The following CAPN13 variants were observed in gnomAD, a reference collection of about 807,000 sequenced individuals.
CAPN13 encodes the protein calpain-13.
In CAPN13, 90 loss-of-function variants were observed where a neutral mutation model predicts 98.4. That is an observed-to-expected ratio of 0.92 (90% CI 0.77 to 1.09). The LOEUF is 1.09. Among genes scored for constraint, CAPN13 ranks in the 50% least tolerant of loss-of-function variants. CAPN13 has a pLI of 0.00. For synonymous variants in CAPN13, 330 were observed against 305.5 expected, an observed-to-expected ratio of 1.08 and a Z score of -0.84; for missense variants, 887 against 841.3, an observed-to-expected ratio of 1.05 and a Z score of -0.67.
chr2:30,803,388 G>C (rs1465815147), intron 1 of CAPN13, among the ~76,000 whole-genome samples: 1 of 152,150 alleles, frequency 6.6e-6, no homozygotes, highest in African/African-American at 2.4e-5. Flanking sequence ...TCAGTCCTCT[G>C]AACTGTGTGG....
At chr2:30,802,698 T>C (rs1208692583) in intron 1 of CAPN13, among the ~76,000 whole-genome samples, 1 of 151,812 alleles carries the variant, frequency 6.6e-6, no homozygotes, top group Non-Finnish European at 1.5e-5. Context: ...GGAGCAGAAA[T>C]GGCCTAAAAA....
At chr2:30,788,589 C>T (rs749418816) in intron 1 of CAPN13, among the ~76,000 whole-genome samples, 7 of 152,158 alleles carry the variant, frequency 4.6e-5, no homozygotes, top group Non-Finnish European at 1.0e-4. Context: ...CCCAAGGTCC[C>T]TGTGTTGCAC....
At chr2:30,754,030 T>C (rs1278893087) in intron 9 of CAPN13, among the ~76,000 whole-genome samples, 2 of 152,214 alleles carry the variant, frequency 1.3e-5, no homozygotes. Flanking sequence ...TTCAAGCCTT[T>C]GGTGCCAATG....
chr2:30,765,815 A>G (rs1673081905), intron 5 of CAPN13, among the ~76,000 whole-genome samples: 1 of 152,272 alleles, frequency 6.6e-6, no homozygotes, highest in South Asian at 2.1e-4. Flanking sequence ...GAGGATTCCC[A>G]GAACGAAGGG....
At chr2:30,754,219 G>C (rs565471010) in intron 9 of CAPN13, 71 bp downstream of exon 9, 73 of 1,223,292 alleles carry the variant, frequency 6.0e-5, no homozygotes, top group Non-Finnish European at 8.0e-5. Flanking sequence ...AAATGTTCAG[G>C]GAAAAGGGTA....
intron 11 of CAPN13, among the ~76,000 whole-genome samples, chr2:30,746,935 G>T (rs2253121): frequency 0.32 from 48,796 of 152,056 alleles, 9,010 homozygotes; most frequent in East Asian, 0.46. Flanking sequence ...TGAAAGGAAG[G>T]GGGAGATTTT....
chr2:30,750,028 G>T (rs1385730483), intron 11 of CAPN13, among the ~76,000 whole-genome samples: 1 of 152,164 alleles, frequency 6.6e-6, no homozygotes, highest in Non-Finnish European at 1.5e-5. Context: ...TTGCAGCACT[G>T]TTCACAATAG....
At chr2:30,796,988 G>C (rs1674918227) in intron 1 of CAPN13, among the ~76,000 whole-genome samples, 1 of 152,190 alleles carries the variant, frequency 6.6e-6, no homozygotes, top group African/African-American at 2.4e-5. Context: ...GCAAGCATGG[G>C]CTCCTGGCAT....
chr2:30,739,680 T>C (rs1467024906), intron 15 of CAPN13, among the ~76,000 whole-genome samples: 3 of 152,148 alleles, frequency 2.0e-5, no homozygotes, highest in African/African-American at 7.2e-5. Flanking sequence ...AATCGTCCAC[T>C]ATAAAGCAGC....
chr2:30,735,876 G>C (rs999304134), intron 18 of CAPN13, among the ~76,000 whole-genome samples: 17 of 152,180 alleles, frequency 1.1e-4, no homozygotes, highest in African/African-American at 4.1e-4. Context: ...AAGTATGAAG[G>C]GTAGGTGGGC....
chr2:30,752,869 C>T (rs1033455082), intron 10 of CAPN13, among the ~76,000 whole-genome samples, 184 bp downstream of exon 10: 6 of 152,194 alleles, frequency 3.9e-5, no homozygotes, highest in Non-Finnish European at 7.3e-5. Context: ...TCCAACTTGG[C>T]CCCTACAGCA....
Position 30,747,753 on chromosome 2 carries a change from T to C in CAPN13, c.1237-2019A>G, listed in dbSNP as rs1446061917. 3.9e-5 allele frequency among the ~76,000 whole-genome samples: 6 copies of C among 152,212 alleles called. No individual in the cohort carries two copies. The East Asian group carries it at 1.2e-3, about 29-fold the overall frequency. ...AGCCTGGCTGCTGGCAGGTACATTGTTGTTTCTCAGCTGAACTGTGAAAGC... is the reference window on the plus strand; with the variant it reads ...AGCCTGGCTGCTGGCAGGTACATTGCTGTTTCTCAGCTGAACTGTGAAAGC... On this transcript the variant is annotated intron_variant, in intron 11 of 22. Coordinates refer to ENST00000295055, the MANE Select transcript of CAPN13 (RefSeq NM_144575.3).
At chr2:30,742,185 CT>C (rs1182346917) in intron 14 of CAPN13, 140 bp downstream of exon 14, 1 of 1,137,818 alleles carries the variant, frequency 8.8e-7, no homozygotes, top group Non-Finnish European at 1.3e-6. Flanking sequence ...TACCCCGCCC[CT>C]TTGAGCCTTC....
chr2:30,803,671 C>G (rs1675430234), intron 1 of CAPN13, among the ~76,000 whole-genome samples: 1 of 152,236 alleles, frequency 6.6e-6, no homozygotes, highest in African/African-American at 2.4e-5. Flanking sequence ...CACGTCCCAT[C>G]TCATGTTGAA....
At position 30,761,513 on chromosome 2, in the gene CAPN13, C is replaced by A. The variant is rs1183406754; in HGVS notation, c.774+1569G>T. 2.0e-5 allele frequency among the ~76,000 whole-genome samples: 3 copies of A among 152,288 alleles called. No individual in the cohort carries two copies. The East Asian group carries it at 5.8e-4, about 29-fold the overall frequency. On this transcript the variant is annotated intron_variant, in intron 7 of 22. Transcript: ENST00000295055. ...CCAGCCTCTGCGGGGACTCATGCTC[C>A]AAGGTCATCTGGACCTCTGGGTACA... is the stretch of plus-strand genomic sequence containing the variant.
intron 7 of CAPN13, among the ~76,000 whole-genome samples, chr2:30,760,296 A>AGGAC (rs1365455671): frequency 6.6e-6 from 1 of 152,196 alleles, no homozygotes; most frequent in African/African-American, 2.4e-5. Context: ...CGTGTTAGCC[A>AGGAC]GGATGGATAC....
At chr2:30,763,874 A>G (rs2148022109) in intron 6 of CAPN13, among the ~76,000 whole-genome samples, 1 of 152,340 alleles carries the variant, frequency 6.6e-6, no homozygotes, top group East Asian at 1.9e-4. Flanking sequence ...TTGTCGAGCC[A>G]CTTATGAGCT....
chr2:30,775,517 G>A (rs147554803), intron 4 of CAPN13, among the ~76,000 whole-genome samples: 1,932 of 151,966 alleles, frequency 0.013, 24 homozygotes, highest in Non-Finnish European at 0.018. Flanking sequence ...AAGAATAAAT[G>A]TGCAAGAATT....
At chr2:30,740,879 G>A (rs1572796916) in intron 15 of CAPN13, among the ~76,000 whole-genome samples, 1 of 152,232 alleles carries the variant, frequency 6.6e-6, no homozygotes, top group Admixed American at 6.5e-5. Context: ...CACCTCAGGG[G>A]CTAACCTTCA....
Sources: allele counts gnomAD v4.1 joint callset (sites outside exome capture counted in the v4.1 genomes callset), GRCh38; gene constraint gnomAD v4.1.1; transcripts MANE v1.5; gene names NCBI Gene and HGNC (gene_info 2026-07-23, HGNC 2026-07-21).